WARS1: variants seen among roughly 807,000 people sequenced by gnomAD.
WARS1 encodes tryptophanyl-tRNA synthetase 1, also known as tryptophan--tRNA ligase, cytoplasmic.
In WARS1, 17 loss-of-function variants were observed where a neutral mutation model predicts 47.8. That is an observed-to-expected ratio of 0.36 (90% CI 0.24 to 0.53). The LOEUF is 0.53. Among genes scored for constraint, WARS1 ranks in the 20% least tolerant of loss-of-function variants. The pLI, the probability that WARS1 is intolerant of heterozygous loss-of-function variation, is 0.91. For missense variants in WARS1, 434 were observed against 608.0 expected (o/e 0.71, Z 3.01); for synonymous variants, 208 against 228.1 (o/e 0.91, Z 0.79).
At chr14:100,354,019 T>A in intron 5 of WARS1, 150 bp from the exon 6 acceptor site, 1 of 700,908 alleles carries the variant, frequency 1.4e-6, no homozygotes, top group Admixed American at 2.8e-5. Context: ...TGAATTTGAC[T>A]ATGGATAATG....
At chr14:100,337,688 CAAAAA>C (rs35725702) in intron 9 of WARS1, among the ~76,000 whole-genome samples, 2 of 114,438 alleles carry the variant, frequency 1.7e-5, no homozygotes, top group Non-Finnish European at 1.7e-5. Context: ...TCCTCTCTGC[CAAAAA>C]AAAAAAAAAA....
At chr14:100,342,878 T>TCCCCTTG (rs1279261230) in intron 8 of WARS1, among the ~76,000 whole-genome samples, 3 of 151,586 alleles carry the variant, frequency 2.0e-5, no homozygotes, top group African/African-American at 7.3e-5. Context: ...ATGCTCTCCC[T>TCCCCTTG]CCCCTTGCCC....
chr14:100,375,541 G>A (rs1253176051), upstream of WARS1: 2 of 152,570 alleles, frequency 1.3e-5, no homozygotes, highest in Non-Finnish European at 2.9e-5. Flanking sequence ...ATCAGGGGTG[G>A]GTTGCCTGGG....
At chr14:100,338,372 C>G (rs764747177) in intron 9 of WARS1, among the ~76,000 whole-genome samples, 13 of 151,990 alleles carry the variant, frequency 8.6e-5, no homozygotes, top group Non-Finnish European at 1.6e-4. Context: ...CTCAGGTTAC[C>G]TTCCTGCCTC....
chr14:100,366,051 G>C (rs948527036), intron 2 of WARS1: 9 of 455,898 alleles, frequency 2.0e-5, no homozygotes, highest in Non-Finnish European at 3.5e-5. Flanking sequence ...TCGGCCAAGG[G>C]AGTGTCACAG....
At position 100,342,424 on chromosome 14, in the gene WARS1, C is replaced by T. The variant is rs1000397546; in HGVS notation, c.1087G>A (p.Asp363Asn). 8 of 1,613,986 alleles carry T rather than the reference C, an allele frequency of 5.0e-6. No individual in the cohort carries two copies. The highest frequency in any genetic ancestry group is 2.2e-5 in the South Asian group (2 of 91,038). ...TTGGTTTTGATCTGCTTGGCCGTGT[C>T]GGTGAGGAAGATGGAGGAGTTGGGG... ...SDPNSSIFLTDTAKQIKTKVN... is the reference protein window; with the variant it reads ...SDPNSSIFLTNTAKQIKTKVN... Residue 363 changes from aspartate (D) to asparagine (N), a missense_variant, in exon 9 of 11, where the codon GAC (aspartate) becomes AAC (asparagine). Transcript: ENST00000392882.
intron 9 of WARS1, among the ~76,000 whole-genome samples, chr14:100,338,412 T>G (rs113204058): frequency 0.029 from 4,350 of 152,098 alleles, 106 homozygotes; most frequent in Non-Finnish European, 0.042. Context: ...AGTATAGGTG[T>G]GTGCCACCAG....
chr14:100,360,632 T>A lies in WARS1; in HGVS notation c.344A>T (p.Glu115Val), dbSNP rs1321778993. 3.7e-6 allele frequency: 6 copies of A among 1,613,770 alleles called. No homozygotes were observed. The change falls in exon 4 of 11, where the codon GAG (glutamate) becomes GTG (valine). Residue 115 changes from glutamate to valine, a missense_variant. This residue lies in a region of WARS1 where 347 missense variants were observed against 523.8 expected (regional missense o/e 0.66). Coordinates refer to ENST00000392882, the MANE Select transcript of WARS1 (RefSeq NM_004184.4). ...VRFGSSKIDK[E>V]LINRIERATG... ...GGCTCTCTCTATTCGGTTTATTAGC[T>A]CTTTGTCAATTTTACTACTTCCAAA...
chr14:100,337,037 T>A (rs768772836), intron 10 of WARS1, 25 bp downstream of exon 10: 1 of 1,603,692 alleles, frequency 6.2e-7, no homozygotes, highest in Non-Finnish European at 8.5e-7. Flanking sequence ...AAGGCGGCTG[T>A]GGGCCCTTGG....
At chr14:100,347,556 G>C (rs115696599) in intron 6 of WARS1, among the ~76,000 whole-genome samples, 2,078 of 152,236 alleles carry the variant, frequency 0.014, 51 homozygotes, top group African/African-American at 0.048. Context: ...GGGTGTAGGG[G>C]TTTGGCAGAA....
chr14:100,351,497 C>T (rs1423343187), intron 6 of WARS1, among the ~76,000 whole-genome samples: 2 of 49,086 alleles, frequency 4.1e-5, no homozygotes, highest in African/African-American at 1.3e-4. Context: ...GAGACTCTGT[C>T]TCAAAAAAAA....
chr14:100,362,793 G>A (rs1356508847), intron 2 of WARS1, among the ~76,000 whole-genome samples: 2 of 152,186 alleles, frequency 1.3e-5, no homozygotes, highest in Non-Finnish European at 2.9e-5. Flanking sequence ...AGTTTATACA[G>A]AACATTCTTT....
chr14:100,363,064 T>C (rs1895751351), intron 2 of WARS1, among the ~76,000 whole-genome samples: 2 of 152,306 alleles, frequency 1.3e-5, no homozygotes, highest in South Asian at 4.1e-4. Flanking sequence ...GTTCCACCCA[T>C]CTCATTTCTG....
At chr14:100,335,968 T>G (rs1242830452) in intron 10 of WARS1, among the ~76,000 whole-genome samples, 1 of 152,100 alleles carries the variant, frequency 6.6e-6, no homozygotes, top group African/African-American at 2.4e-5. Context: ...CTAAAACTTT[T>G]TTTTTTTTAA....
At position 100,346,820 on chromosome 14, in the gene WARS1, A is replaced by G; in HGVS notation, c.752T>C (p.Val251Ala). Residue 251 changes from valine (V) to alanine (A), a missense_variant, in exon 7 of 11, where the codon GTG becomes GCG. Val to Ala is a moderately conservative substitution (Grantham distance 64, BLOSUM62 0). Transcript: ENST00000392882. ...MGMSSGFYKN[V>A]VKIQKHVTFN... ...GGTAACATGCTTTTGAATCTTCACC[A>G]CATTTTTGTAGAAACCTGAGCTCAT... 6.2e-7 allele frequency: 1 copy of G among 1,614,002 alleles called. No individual in the cohort carries two copies. The highest frequency in any genetic ancestry group is 1.3e-5 in the African/African-American group (1 of 75,078).
chr14:100,345,524 C>A (rs1236597883), intron 7 of WARS1, among the ~76,000 whole-genome samples: 5 of 151,660 alleles, frequency 3.3e-5, no homozygotes, highest in Non-Finnish European at 7.4e-5. Flanking sequence ...ACAAACACTG[C>A]GGAAGGCCGC....
rs60877531 is a variant in WARS1, at chr14:100,335,383, AT to A, written c.1255-348del. On this transcript the variant is annotated intron_variant, in intron 10 of 10. Transcript: ENST00000392882. ...TTATGGCTTCTGTAAAATCTTGCTAATTTTTTTTTTTTTGAGATGGAGTCTC... is the reference window on the plus strand; with the variant it reads ...TTATGGCTTCTGTAAAATCTTGCTAATTTTTTTTTTTTGAGATGGAGTCTC... Among the ~76,000 whole-genome samples, 264 of 146,956 alleles carry A rather than the reference AT, an allele frequency of 1.8e-3. 5 individuals carry two copies. Among genetic ancestry groups the A allele is most frequent in the African/African-American group, 5.7e-4 (23 of 40,044 alleles).
intron 2 of WARS1, 56 bp downstream of exon 2, chr14:100,369,031 C>G: frequency 7.5e-7 from 1 of 1,328,118 alleles, no homozygotes; most frequent in Non-Finnish European, 1.0e-6. Flanking sequence ...GGAACACAAC[C>G]CTACAGACTT....
At chr14:100,363,176 C>A (rs1349860097) in intron 2 of WARS1, among the ~76,000 whole-genome samples, 2 of 152,056 alleles carry the variant, frequency 1.3e-5, no homozygotes, top group African/African-American at 4.8e-5. Context: ...ACACTGCAGT[C>A]AATATCACTT....
Sources: allele counts gnomAD v4.1 joint callset (sites outside exome capture counted in the v4.1 genomes callset), GRCh38; gene constraint gnomAD v4.1.1; regional missense constraint gnomAD v4.1.1; transcripts MANE v1.5; gene names NCBI Gene and HGNC (gene_info 2026-07-23, HGNC 2026-07-21).